Variants in ARMCX4 observed in about 807,000 individuals in gnomAD.
The protein encoded by ARMCX4 is armadillo repeat containing X-linked 4, also known as armadillo repeat-containing X-linked protein 4.
In ARMCX4, 3 loss-of-function variants were observed where a neutral mutation model predicts 34.7. The observed-to-expected ratio is 0.09, with a 90% CI of 0.04 to 0.22. The LOEUF (loss-of-function observed/expected upper bound fraction) is 0.22. Among genes scored for constraint, ARMCX4 ranks in the 10% least tolerant of loss-of-function variants. The pLI, the probability that ARMCX4 is intolerant of heterozygous loss-of-function variation, is 1.00. For synonymous variants in ARMCX4, 513 were observed against 632.8 expected (o/e 0.81, Z 2.84); for missense variants, 1,448 against 1,720.8 (o/e 0.84, Z 2.81).
At position 101,494,467 on chromosome X, in the gene ARMCX4, G is replaced by A. The variant is rs1452165078; in HGVS notation, c.5878G>A (p.Asp1960Asn). ...TGCTGGTAATGAAAACACAAGTGAG[G>A]ACAAATCTGCACCTAAGGCTAAAGC... ...FCAGNENTSE[D>N]KSAPKAKAKK... Residue 1960 changes from aspartate (D) to asparagine (N), a missense_variant, in exon 6 of 6, where the codon GAC (aspartate) becomes AAC (asparagine). Transcript: ENST00000423738. The A allele has an allele frequency of 3.5e-6, 4 of 1,153,358 alleles. No individual in the cohort carries two copies. In the East Asian group the frequency reaches 1.3e-4, roughly 38 times the overall value.
chrX:101,426,525 T>A (rs1333552172), intron 2 of ARMCX4, among the ~76,000 whole-genome samples: 2 of 111,526 alleles, frequency 1.8e-5, no homozygotes, highest in Admixed American at 9.6e-5. Flanking sequence ...CAATGAGTTG[T>A]AAGGGTGAGA....
At chrX:101,458,048 A>G (rs1399816655) in intron 4 of ARMCX4, among the ~76,000 whole-genome samples, 1 of 111,055 alleles carries the variant, frequency 9.0e-6, no homozygotes, top group Non-Finnish European at 1.9e-5. Flanking sequence ...GGCCTAAAAA[A>G]CCTTCTGTAA....
chrX:101,432,701 C>T lies in ARMCX4; in HGVS notation n.165-11351C>T, dbSNP rs182645436. 1.9e-4 allele frequency among the ~76,000 whole-genome samples: 20 copies of T among 105,652 alleles called. No individual in the cohort carries two copies. The East Asian group carries it at 2.1e-3, about 11-fold the overall frequency. The allele number at this position is 105,652 out of a possible 115,157, so 91.7% of individuals were successfully genotyped here. On this transcript the variant is annotated intron_variant and non_coding_transcript_variant, in intron 2 of 3. Coordinates refer to the ARMCX4 transcript ENST00000430461. ...ATATACATATATACGTATATATACA[C>T]ATATATATGTATACATATATGTATA...
intron 7 of ARMCX4, among the ~76,000 whole-genome samples, chrX:101,503,264 A>G (rs1271270818): frequency 9.0e-6 from 1 of 110,763 alleles, no homozygotes; most frequent in Non-Finnish European, 1.9e-5. Flanking sequence ...ATGTGTCTTT[A>G]TAGCAGCATG....
intron 4 of ARMCX4, among the ~76,000 whole-genome samples, chrX:101,456,780 CTTAA>C: frequency 9.0e-6 from 1 of 110,874 alleles, no homozygotes. Flanking sequence ...TTCTAATTTT[CTTAA>C]TTGTCTAATT....
rs781978251 is a variant in ARMCX4 at position 101,521,194 on chromosome X, A to C, written c.*1780+10139A>C. On this transcript the variant is annotated intron_variant and NMD_transcript_variant, in intron 11 of 12. Transcript: ENST00000354842. ...TGATCTGCCCACCTCAGCCTCTCAAAGTGCTTGGATTACAGGCATGAGCCA... is the reference window on the plus strand; with the variant it reads ...TGATCTGCCCACCTCAGCCTCTCAACGTGCTTGGATTACAGGCATGAGCCA... Among the ~76,000 whole-genome samples the C allele has an allele frequency of 2.7e-5, 3 of 111,190 alleles. No individual in the cohort carries two copies. In the South Asian group the frequency reaches 1.1e-3, roughly 42 times the overall value.
intron 2 of ARMCX4, among the ~76,000 whole-genome samples, chrX:101,419,368 G>T (rs782593940): frequency 5.4e-5 from 6 of 111,549 alleles, no homozygotes; most frequent in African/African-American, 2.0e-4. Flanking sequence ...TCCCAACTTA[G>T]ATTGTGGTGA....
chrX:101,488,927 C>T lies in ARMCX4; in HGVS notation c.338C>T (p.Thr113Ile). 8.6e-7 allele frequency: 1 copy of T among 1,156,310 alleles called. No individual in the cohort carries two copies. The highest frequency in any genetic ancestry group is 1.9e-5 in the South Asian group (1 of 52,787). ...GCAATGGTTGGGGCAGAGCCAGAGA[C>T]TCAATCTGAGTCCAAAGTGGTGGCT... ...AKAMVGAEPE[T>I]QSESKVVAGT... is the part of the protein sequence containing the mutation. Residue 113 changes from threonine to isoleucine, a missense_variant, in exon 6 of 6, where the codon ACT (threonine) becomes ATT (isoleucine). By Grantham distance (89) the Thr-to-Ile change is moderately conservative. This residue lies in a region of ARMCX4 where 1,343 missense variants were observed against 1,540.7 expected (regional missense o/e 0.87). Transcript: ENST00000423738.
rs782253595 is a variant in ARMCX4 at position 101,506,979 on chromosome X, A to G, written c.*1596+1624A>G. On this transcript the variant is annotated intron_variant and NMD_transcript_variant, in intron 8 of 12. Coordinates refer to the ARMCX4 transcript ENST00000354842. ...TTCTGATATTGCCTTTATATTTTTT[A>G]TTAACTATTTTATTTCTTGATTTTT... Among the ~76,000 whole-genome samples, 5 of 111,033 alleles carry G rather than the reference A, an allele frequency of 4.5e-5. No homozygotes were observed. The South Asian group carries it at 1.9e-3, about 42-fold the overall frequency.
At chrX:101,440,825 G>A (rs1268146938) in intron 2 of ARMCX4, among the ~76,000 whole-genome samples, 9 of 111,697 alleles carry the variant, frequency 8.1e-5, no homozygotes, top group African/African-American at 2.9e-4. Context: ...CGTTGGAAAA[G>A]CGTAGTATTA....
At chrX:101,479,301 AAAC>A (rs1556004893) in intron 4 of ARMCX4, among the ~76,000 whole-genome samples, 1 of 79,558 alleles carries the variant, frequency 1.3e-5, no homozygotes, top group African/African-American at 4.8e-5. Flanking sequence ...TCTATAAAGA[AAAC>A]CACACACACA....
chrX:101,442,545 G>C (rs1555997119), intron 2 of ARMCX4, among the ~76,000 whole-genome samples: 1 of 111,485 alleles, frequency 9.0e-6, no homozygotes, highest in Non-Finnish European at 1.9e-5. Flanking sequence ...CAACATCCTT[G>C]GTCCTGACCA....
intron 2 of ARMCX4, among the ~76,000 whole-genome samples, chrX:101,421,240 T>C (rs1234358015): frequency 9.2e-5 from 8 of 86,584 alleles, no homozygotes; most frequent in African/African-American, 3.2e-4. Flanking sequence ...GAAAAGAAAA[T>C]ATTGCCCTGG....
chrX:101,437,639 A>G (rs1569317534), intron 2 of ARMCX4, among the ~76,000 whole-genome samples: 1 of 110,421 alleles, frequency 9.1e-6, no homozygotes, highest in Non-Finnish European at 1.9e-5. Context: ...TTGTGTCTCT[A>G]TTTCCTTCAG....
intron 11 of ARMCX4, among the ~76,000 whole-genome samples, chrX:101,521,934 G>A (rs782483728): frequency 3.7e-4 from 41 of 111,382 alleles, no homozygotes; most frequent in African/African-American, 1.3e-3. Context: ...GCTTTATCCT[G>A]AAGAATGTTC....
chrX:101,459,927 T>C (rs1489448070), intron 4 of ARMCX4, among the ~76,000 whole-genome samples: 1 of 112,168 alleles, frequency 8.9e-6, no homozygotes. Context: ...GCATCATCTG[T>C]AGGTGTATAA....
chrX:101,465,577 G>A (rs1932780122), intron 4 of ARMCX4, among the ~76,000 whole-genome samples: 1 of 112,020 alleles, frequency 8.9e-6, no homozygotes, highest in East Asian at 2.8e-4. Context: ...GTTACATGCG[G>A]CAGTAGTTTG....
chrX:101,487,398 T>G, intron 3 of ARMCX4, 126 bp downstream of exon 3: 1 of 189,875 alleles, frequency 5.3e-6, no homozygotes, highest in South Asian at 7.1e-5. Flanking sequence ...TCCTGTGGAT[T>G]TCAGTGCAGG....
chrX:101,466,909 AT>A (rs1176389387), intron 4 of ARMCX4, among the ~76,000 whole-genome samples: 2 of 112,184 alleles, frequency 1.8e-5, no homozygotes, highest in Non-Finnish European at 3.8e-5. Context: ...CCTTTTGCTA[AT>A]TTGTAATTAA....
Sources: allele counts gnomAD v4.1 joint callset (sites outside exome capture counted in the v4.1 genomes callset), GRCh38; gene constraint gnomAD v4.1.1; regional missense constraint gnomAD v4.1.1; transcripts MANE v1.5; gene names NCBI Gene and HGNC (gene_info 2026-07-23, HGNC 2026-07-21).